The following FLVCR2 variants were observed in gnomAD, a reference collection of about 807,000 sequenced individuals.
FLVCR2 encodes the protein choline/ethanolamine transporter FLVCR2.
In FLVCR2, 38 loss-of-function variants were observed where a neutral mutation model predicts 48.9. The ratio of observed to expected loss-of-function variants is 0.78; its 90% CI spans 0.60 to 1.02. FLVCR2 has a LOEUF of 1.02. Ranked by LOEUF, FLVCR2 falls within the 50% of genes least tolerant of loss-of-function variation. The pLI is 0.00. For missense variants in FLVCR2, 664 were observed against 663.3 expected, an observed-to-expected ratio of 1.00 and a Z score of -0.01; for synonymous variants, 255 against 257.0, an observed-to-expected ratio of 0.99 and a Z score of 0.07.
chr14:75,579,620 C>G lies in FLVCR2; in HGVS notation c.648C>G (p.Ser216=), dbSNP rs2287017. ...CTAATGAGGTTTCAACAGCCTGCTC[C>G]GTGGCTGTCTTTGGCAATCAGGTAG... ...FGANEVSTAC[S]VAVFGNQLGI... is the part of the protein sequence containing the mutation. Residue 216 remains serine, a synonymous_variant, in exon 1 of 10, where the codon TCC becomes TCG. Coordinates refer to ENST00000238667, the MANE Select transcript of FLVCR2 (RefSeq NM_017791.3). 0.27 allele frequency: 432,752 copies of G among 1,613,744 alleles called. 69,822 individuals carry two copies. The highest frequency in any genetic ancestry group is 0.67 in the African/African-American group (50,553 of 74,936).
chr14:75,631,024 A>T (rs1890025574), intron 3 of FLVCR2, among the ~76,000 whole-genome samples: 1 of 152,174 alleles, frequency 6.6e-6, no homozygotes, highest in Non-Finnish European at 1.5e-5. Context: ...GAGTGGACTT[A>T]CGCTGGTTAA....
At chr14:75,607,777 CA>C (rs776827563) in intron 1 of FLVCR2, among the ~76,000 whole-genome samples, 1,703 of 148,950 alleles carry the variant, frequency 0.011, 16 homozygotes, top group Non-Finnish European at 0.019. Context: ...TTCTTGAACT[CA>C]AAAAAAAAGG....
At chr14:75,603,437 G>A (rs1030869507) in intron 1 of FLVCR2, among the ~76,000 whole-genome samples, 8 of 152,314 alleles carry the variant, frequency 5.3e-5, no homozygotes, top group Admixed American at 2.0e-4. Context: ...CAGACCTCAG[G>A]GGTGGAATAC....
At chr14:75,622,040 C>A in intron 1 of FLVCR2, 39 bp from the exon 2 acceptor site, 1 of 1,610,882 alleles carries the variant, frequency 6.2e-7, no homozygotes, top group Non-Finnish European at 8.5e-7. Flanking sequence ...ACCTCTTGGC[C>A]ATTGGTAACT....
intron 1 of FLVCR2, among the ~76,000 whole-genome samples, chr14:75,596,877 T>A (rs1889036767): frequency 6.8e-6 from 1 of 148,042 alleles, no homozygotes; most frequent in African/African-American, 2.5e-5. Context: ...AGTGGAATCA[T>A]ACTTGTCCTT....
At chr14:75,614,400 AG>A (rs1205723309) in intron 1 of FLVCR2, among the ~76,000 whole-genome samples, 1 of 152,266 alleles carries the variant, frequency 6.6e-6, no homozygotes, top group East Asian at 1.9e-4. Flanking sequence ...AGCAAGTATC[AG>A]GAAAATGACT....
chr14:75,626,373 C>T (rs1594809586), intron 3 of FLVCR2, among the ~76,000 whole-genome samples: 1 of 151,900 alleles, frequency 6.6e-6, no homozygotes, highest in Non-Finnish European at 1.5e-5. Context: ...TTAGGCTCAA[C>T]AATACATTTT....
chr14:75,590,442 A>AAC (rs1888853599), intron 1 of FLVCR2, among the ~76,000 whole-genome samples: 1 of 152,168 alleles, frequency 6.6e-6, no homozygotes, highest in Non-Finnish European at 1.5e-5. Context: ...TCACATACAA[A>AAC]ATACAGTCAT....
chr14:75,594,786 C>T (rs1160779750), intron 1 of FLVCR2, among the ~76,000 whole-genome samples: 5 of 151,204 alleles, frequency 3.3e-5, no homozygotes, highest in Admixed American at 1.3e-4. Context: ...GTAGCATGAA[C>T]ACAGCTCACC....
chr14:75,644,917 T>G (rs955436105), intron 9 of FLVCR2, among the ~76,000 whole-genome samples: 7 of 152,094 alleles, frequency 4.6e-5, no homozygotes, highest in Non-Finnish European at 8.8e-5. Context: ...ATCTTACTGG[T>G]TTGGGTTTCC....
intron 1 of FLVCR2, among the ~76,000 whole-genome samples, chr14:75,586,928 C>A (rs958309714): frequency 6.6e-6 from 1 of 152,048 alleles, no homozygotes; most frequent in Non-Finnish European, 1.5e-5. Flanking sequence ...TATTAAAAAA[C>A]AAACAAACAC....
chr14:75,607,590 C>T (rs572290435), intron 1 of FLVCR2, among the ~76,000 whole-genome samples: 15 of 152,298 alleles, frequency 9.8e-5, no homozygotes, highest in African/African-American at 3.6e-4. Flanking sequence ...GTTGCTTCAA[C>T]TCAGTTATGA....
rs79126444 is a variant in FLVCR2, at chr14:75,591,675, C to A, written c.669+12034C>A. Among the ~76,000 whole-genome samples the A allele has an allele frequency of 4.7e-3, 723 of 152,270 alleles. 6 individuals carry two copies. The highest frequency in any genetic ancestry group is 0.015 in the African/African-American group (613 of 41,558). Reference sequence around the variant, plus strand: ...ACTAGGCATTGTCCTAGTGAAGACTCTTTGCAGAAGAGTCCTCTGCTGTGG... The same window carrying A: ...ACTAGGCATTGTCCTAGTGAAGACTATTTGCAGAAGAGTCCTCTGCTGTGG... On this transcript the variant is annotated intron_variant, in intron 1 of 9. Transcript: ENST00000238667.
chr14:75,627,691 G>A (rs971606011), intron 3 of FLVCR2, among the ~76,000 whole-genome samples: 1 of 152,216 alleles, frequency 6.6e-6, no homozygotes, highest in Non-Finnish European at 1.5e-5. Flanking sequence ...AATGGGAAAA[G>A]CCCTATTGCC....
intron 1 of FLVCR2, 170 bp from the exon 2 acceptor site, chr14:75,621,909 A>T: frequency 1.3e-6 from 1 of 777,926 alleles, no homozygotes; most frequent in South Asian, 1.4e-5. Flanking sequence ...CCAAAATGTC[A>T]GTCAGAAGAA....
intron 1 of FLVCR2, among the ~76,000 whole-genome samples, chr14:75,611,695 A>G (rs1259401858): frequency 2.0e-5 from 3 of 152,114 alleles, no homozygotes; most frequent in African/African-American, 7.2e-5. Flanking sequence ...CCGAGATCGC[A>G]CCACTGCACT....
chr14:75,597,974 T>C (rs900585792), intron 1 of FLVCR2, among the ~76,000 whole-genome samples: 6 of 152,164 alleles, frequency 3.9e-5, no homozygotes, highest in Admixed American at 1.3e-4. Context: ...GACTGCCTGC[T>C]TGGAGCCATA....
chr14:75,639,492 A>C, intron 6 of FLVCR2, 30 bp downstream of exon 6: 1 of 1,446,584 alleles, frequency 6.9e-7, no homozygotes, highest in Non-Finnish European at 9.7e-7. Context: ...GATTTATTAG[A>C]AAATACCATG....
chr14:75,642,369 G>C (rs117194034), intron 9 of FLVCR2, among the ~76,000 whole-genome samples: 1 of 152,200 alleles, frequency 6.6e-6, no homozygotes, highest in African/African-American at 2.4e-5. Context: ...CCATGGGGAC[G>C]GAGCCAAAGA....
Sources: allele counts gnomAD v4.1 joint callset (sites outside exome capture counted in the v4.1 genomes callset), GRCh38; gene constraint gnomAD v4.1.1; transcripts MANE v1.5; gene names NCBI Gene and HGNC (gene_info 2026-07-23, HGNC 2026-07-21).